USP10: variants seen among roughly 807,000 people sequenced by gnomAD.
USP10 encodes ubiquitin specific peptidase 10, also known as ubiquitin carboxyl-terminal hydrolase 10.
USP10 carries 22 observed loss-of-function variants against 84.5 expected under a neutral mutation model. The observed-to-expected ratio is 0.26, with a 90% confidence interval of 0.19 to 0.37. USP10 has a LOEUF of 0.37. Ranked by LOEUF, USP10 falls within the 10% of genes least tolerant of loss-of-function variation. USP10 has a pLI of 1.00. For synonymous variants in USP10, 454 were observed against 387.6 expected (o/e 1.17, Z -2.01); for missense variants, 1,019 against 998.9 (o/e 1.02, Z -0.27).
In USP10 at chr16:84,757,511, T is replaced by G. The variant is rs146418472; in HGVS notation, c.1193-1205T>G. Among the ~76,000 whole-genome samples, 179 of 152,084 alleles carry G rather than the reference T, an allele frequency of 1.2e-3. 1 individual carries two copies. Among genetic ancestry groups the G allele is most frequent in the African/African-American group, 4.1e-3 (171 of 41,486 alleles). On this transcript the variant is annotated intron_variant, in intron 4 of 13. Coordinates refer to ENST00000219473, the MANE Select transcript of USP10 (RefSeq NM_005153.3). ...CGAAGTCTGGGATCTGCCAGTACAA[T>G]GTAGTTTAGAAAAGAAAAGCTTATT...
At chr16:84,766,028 G>C (rs1472927633) in intron 10 of USP10, among the ~76,000 whole-genome samples, 1 of 152,136 alleles carries the variant, frequency 6.6e-6, no homozygotes, top group African/African-American at 2.4e-5. Context: ...CCCCAGGCTG[G>C]TATTTCAGTG....
At chr16:84,762,782 A>G (rs1913359465) in intron 8 of USP10, among the ~76,000 whole-genome samples, 1 of 152,046 alleles carries the variant, frequency 6.6e-6, no homozygotes, top group Non-Finnish European at 1.5e-5. Context: ...CCATTTAGAG[A>G]TATGTGTTTA....
intron 3 of USP10, among the ~76,000 whole-genome samples, chr16:84,743,809 G>C (rs564041782): frequency 6.6e-6 from 1 of 152,232 alleles, no homozygotes; most frequent in Admixed American, 6.5e-5. Context: ...TGGGAAGGAA[G>C]TATTGAAGGC....
At chr16:84,738,411 A>T (rs1037017820) in intron 2 of USP10, among the ~76,000 whole-genome samples, 1 of 152,298 alleles carries the variant, frequency 6.6e-6, no homozygotes, top group South Asian at 2.1e-4. Context: ...AGGGCATTCT[A>T]TGTATCAGTT....
chr16:84,711,303 G>A (rs1177368451), intron 1 of USP10, among the ~76,000 whole-genome samples: 1 of 152,170 alleles, frequency 6.6e-6, no homozygotes, highest in Non-Finnish European at 1.5e-5. Flanking sequence ...AGCTGCTCTG[G>A]CTGTTGCTCT....
At chr16:84,754,355 T>C (rs978809871) in intron 4 of USP10, among the ~76,000 whole-genome samples, 2 of 152,210 alleles carry the variant, frequency 1.3e-5, no homozygotes, top group Non-Finnish European at 2.9e-5. Context: ...GTGTCTCTTC[T>C]GTATTTTCCA....
chr16:84,779,257 C>T lies in USP10; in HGVS notation c.*175C>T. 3.4e-6 allele frequency: 2 copies of T among 594,386 alleles called. No homozygotes were observed. The highest frequency in any genetic ancestry group is 5.6e-6 in the Non-Finnish European group (2 of 360,136). The allele number at this position is 594,386 out of a possible 1,614,324, so 36.8% of individuals were successfully genotyped here. A position where few individuals can be genotyped will look rare whatever the true frequency, so the allele number is the denominator to read the frequency against. ...TCGTGCACAACACAGCTTCTGTTGA[C>T]TCTAACTTCCAAATCAAAATCATTT... On this transcript the variant is annotated 3_prime_UTR_variant, in exon 14 of 14. Transcript: ENST00000219473.
rs545285971 is a variant in USP10, at chr16:84,753,258, T to C, written c.1193-5458T>C. Among the ~76,000 whole-genome samples, 595 of 152,282 alleles carry C rather than the reference T, an allele frequency of 3.9e-3. 3 individuals are homozygous for C. The highest frequency in any genetic ancestry group is 0.014 in the Middle Eastern group (4 of 294). ...TAGCCTCCCAAAGTGTTGCCTGAAA[T>C]AGAACTTTATTAATATATCTTTAAT... On this transcript the variant is annotated intron_variant, in intron 4 of 13. Coordinates refer to ENST00000219473, the MANE Select transcript of USP10 (RefSeq NM_005153.3).
At chr16:84,776,295 G>C (rs1374056150) in intron 13 of USP10, among the ~76,000 whole-genome samples, 5 of 151,118 alleles carry the variant, frequency 3.3e-5, no homozygotes, top group South Asian at 2.1e-4. Context: ...GGGGGCCCAG[G>C]GGTGAGGGCC....
At chr16:84,735,179 T>A (rs969119276) in intron 2 of USP10, among the ~76,000 whole-genome samples, 6 of 150,306 alleles carry the variant, frequency 4.0e-5, no homozygotes, top group African/African-American at 1.2e-4. Context: ...TACAGGTGTG[T>A]GCTGCCAGGC....
rs1224306997 is a variant in USP10 at position 84,764,108 on chromosome 16, C to G, written c.1677C>G (p.Pro559=). The stretch of plus-strand genomic sequence containing the variant: ...CAGAACTTACGATTTCCAACGGCCC[C>G]AAAAACCACTCGGTCAATGAAGAAG... The part of the protein sequence containing the change: ...SNEKLTISNG[P]KNHSVNEEEQ... The change falls in exon 10 of 14, where the codon CCC becomes CCG. Residue 559 remains proline (P), a synonymous_variant. Coordinates refer to ENST00000219473, the MANE Select transcript of USP10 (RefSeq NM_005153.3). 6.2e-7 allele frequency: 1 copy of G among 1,613,546 alleles called. No individual in the cohort carries two copies. The highest frequency in any genetic ancestry group is 1.7e-5 in the Admixed American group (1 of 59,938).
Position 84,775,205 on chromosome 16 carries a change from G to A in USP10, c.2189G>A (p.Arg730Gln), listed in dbSNP as rs779592460. The A allele has an allele frequency of 2.4e-5, 38 of 1,613,558 alleles. No individual in the cohort carries two copies. Among genetic ancestry groups the A allele is most frequent in the South Asian group, 4.4e-5 (4 of 91,076 alleles). The change falls in exon 13 of 14, where the codon CGA becomes CAA. Residue 730 changes from arginine (R) to glutamine (Q), a missense_variant. By Grantham distance (43) the Arg-to-Gln change is conservative. This residue lies in a region of USP10 where 232 missense variants were observed against 290.1 expected (regional missense o/e 0.80). Coordinates refer to ENST00000219473, the MANE Select transcript of USP10 (RefSeq NM_005153.3). ...AAAAATAAGAATTTTAAATGCCACC[G>A]AACCTATCGGCTCTTTGCAGGTGAG... ...GVKNKNFKCH[R>Q]TYRLFAVVYH...
intron 3 of USP10, 147 bp from the exon 4 acceptor site, chr16:84,744,486 A>G (rs1910978540): frequency 1.5e-6 from 1 of 657,728 alleles, no homozygotes; most frequent in South Asian, 3.4e-5. Context: ...ATTTTCCGCA[A>G]ATTGTTCAGC....
At chr16:84,714,152 G>A (rs1379004172) in intron 1 of USP10, among the ~76,000 whole-genome samples, 1 of 152,172 alleles carries the variant, frequency 6.6e-6, no homozygotes, top group Non-Finnish European at 1.5e-5. Flanking sequence ...CAGAGACCCA[G>A]TTGAGAAGCG....
At chr16:84,715,070 A>G (rs1340329675) in intron 1 of USP10, among the ~76,000 whole-genome samples, 1 of 151,954 alleles carries the variant, frequency 6.6e-6, no homozygotes, top group African/African-American at 2.4e-5. Flanking sequence ...CTGGGACTAC[A>G]GGCATGCACC....
At chr16:84,758,595 T>C in intron 4 of USP10, 121 bp from the exon 5 acceptor site, 1 of 699,410 alleles carries the variant, frequency 1.4e-6, no homozygotes, top group Non-Finnish European at 2.6e-6. Context: ...TGCATTTTCT[T>C]TGGCTGTGTG....
At chr16:84,722,321 T>A (rs1376683720) in intron 1 of USP10, among the ~76,000 whole-genome samples, 1 of 152,240 alleles carries the variant, frequency 6.6e-6, no homozygotes, top group African/African-American at 2.4e-5. Context: ...TCCCACAGTT[T>A]GCTTGTCTCT....
rs1555541026 is a variant in USP10, at chr16:84,735,196, G to GATGTGTGTGTGTGTGTGT, written c.90+1693_90+1694insATGTGTGTGTGTGTGTGT. On this transcript the variant is annotated intron_variant, in intron 2 of 13. Coordinates refer to ENST00000219473, the MANE Select transcript of USP10 (RefSeq NM_005153.3). Reference sequence around the variant, plus strand: ...CAGGTGTGTGCTGCCAGGCCCGGGTGGTGTGTGTGTGTGTGTGTGTGTGTG... The same window carrying GATGTGTGTGTGTGTGTGT: ...CAGGTGTGTGCTGCCAGGCCCGGGTGATGTGTGTGTGTGTGTGTGTGTGTGTGTGTGTGTGTGTGTGTG... Among the ~76,000 whole-genome samples, 104 of 146,380 alleles carry GATGTGTGTGTGTGTGTGT rather than the reference G, an allele frequency of 7.1e-4. 1 individual carries two copies. The highest frequency in any genetic ancestry group is 2.4e-3 in the African/African-American group (95 of 39,400).
At chr16:84,723,052 G>T (rs889797379) in intron 1 of USP10, among the ~76,000 whole-genome samples, 10 of 152,064 alleles carry the variant, frequency 6.6e-5, no homozygotes, top group African/African-American at 2.2e-4. Context: ...ACTGGAAACC[G>T]GTGGTCTTAT....
Sources: allele counts gnomAD v4.1 joint callset (sites outside exome capture counted in the v4.1 genomes callset), GRCh38; gene constraint gnomAD v4.1.1; regional missense constraint gnomAD v4.1.1; transcripts MANE v1.5; gene names NCBI Gene and HGNC (gene_info 2026-07-23, HGNC 2026-07-21).